Variants in LYPD6B observed in about 807,000 individuals in gnomAD.
LYPD6B encodes the protein LY6/PLAUR domain containing 6B.
A neutral mutation model predicts 22.8 loss-of-function variants in LYPD6B; 17 were observed. The observed-to-expected ratio is 0.75, with a 90% CI of 0.51 to 1.12. The LOEUF (loss-of-function observed/expected upper bound fraction) is 1.12. LYPD6B is among the 50% of genes most tolerant of loss of function. LYPD6B has a pLI of 0.00. For missense variants in LYPD6B, 221 were observed against 258.3 expected (o/e 0.86, Z 0.99); for synonymous variants, 106 against 91.6 (o/e 1.16, Z -0.90).
At chr2:149,190,781 C>G (rs1399849309) in intron 3 of LYPD6B, among the ~76,000 whole-genome samples, 2 of 152,000 alleles carry the variant, frequency 1.3e-5, no homozygotes, top group African/African-American at 2.4e-5. Context: ...GTAGCTATTT[C>G]CATATTAGTG....
chr2:149,065,335 C>T, intron 1 of LYPD6B, among the ~76,000 whole-genome samples: 1 of 152,208 alleles, frequency 6.6e-6, no homozygotes. Context: ...CCATCAGATG[C>T]TGTAACAAGC....
chr2:149,145,074 A>G (rs1248316151), intron 2 of LYPD6B, among the ~76,000 whole-genome samples: 6 of 152,300 alleles, frequency 3.9e-5, no homozygotes, highest in African/African-American at 1.4e-4. Flanking sequence ...AGCCTCGCTC[A>G]GATTCTTTAA....
At chr2:149,173,078 G>A (rs926278360) in intron 3 of LYPD6B, among the ~76,000 whole-genome samples, 1 of 151,394 alleles carries the variant, frequency 6.6e-6, no homozygotes, top group African/African-American at 2.4e-5. Flanking sequence ...GAATTTCTCT[G>A]GAAAAACCTG....
At chr2:149,047,883 A>AT (rs1411570378) in intron 1 of LYPD6B, among the ~76,000 whole-genome samples, 4 of 151,810 alleles carry the variant, frequency 2.6e-5, no homozygotes, top group East Asian at 3.9e-4. Flanking sequence ...AAGTTCAATG[A>AT]TTTTTTCCTT....
chr2:149,212,393 A>AAAAAAAAAAAAAAAAC (rs1210436752), intron 5 of LYPD6B, among the ~76,000 whole-genome samples: 1 of 150,888 alleles, frequency 6.6e-6, no homozygotes, highest in African/African-American at 2.4e-5. Context: ...AAAAAAAAAA[A>AAAAAAAAAAAAAAAAC]AAAAAAAAAA....
At chr2:149,089,009 T>C (rs1243117402) in intron 1 of LYPD6B, among the ~76,000 whole-genome samples, 2 of 152,132 alleles carry the variant, frequency 1.3e-5, no homozygotes, top group African/African-American at 4.8e-5. Context: ...ACACTCAGTT[T>C]CCTCTTCCTC....
intron 3 of LYPD6B, among the ~76,000 whole-genome samples, chr2:149,190,564 GT>G (rs1187540304): frequency 6.6e-6 from 1 of 152,174 alleles, no homozygotes; most frequent in African/African-American, 2.4e-5. Context: ...CAAAAGGAGA[GT>G]GTTAAGAAAA....
At chr2:149,190,310 G>A (rs537151869) in intron 3 of LYPD6B, among the ~76,000 whole-genome samples, 19 of 152,150 alleles carry the variant, frequency 1.2e-4, no homozygotes, top group African/African-American at 2.6e-4. Context: ...GTGTGTGCAC[G>A]TATCTATATT....
intron 1 of LYPD6B, among the ~76,000 whole-genome samples, chr2:149,114,396 T>G (rs1686901181): frequency 6.6e-6 from 1 of 152,218 alleles, no homozygotes. Flanking sequence ...AAACCCCCAG[T>G]GCAGTTCTTC....
At chr2:149,080,543 T>TAAG (rs1433250845) in intron 1 of LYPD6B, among the ~76,000 whole-genome samples, 1 of 152,148 alleles carries the variant, frequency 6.6e-6, no homozygotes, top group African/African-American at 2.4e-5. Context: ...TTCTCACTTT[T>TAAG]AAGAATCCAG....
chr2:149,055,608 A>T (rs558656895), intron 1 of LYPD6B, among the ~76,000 whole-genome samples: 2 of 152,312 alleles, frequency 1.3e-5, no homozygotes, highest in Non-Finnish European at 1.5e-5. Flanking sequence ...TCTCTCGTTA[A>T]ATTGATTCCT....
chr2:149,060,225 C>G (rs144115191), intron 1 of LYPD6B, among the ~76,000 whole-genome samples: 3 of 152,138 alleles, frequency 2.0e-5, no homozygotes, highest in Non-Finnish European at 4.4e-5. Flanking sequence ...AGCAACAGCT[C>G]CAGGTCCAGG....
rs73963334 is a variant in LYPD6B at position 149,082,577 on chromosome 2, T to C, written c.-67+43776T>C. Reference sequence around the variant, plus strand: ...AATTTTATTGCAATTTTTTTTGCCTTTGCCGACAGTGTTTTCCATTCAGTA... The same window carrying C: ...AATTTTATTGCAATTTTTTTTGCCTCTGCCGACAGTGTTTTCCATTCAGTA... On this transcript the variant is annotated intron_variant, in intron 1 of 6. Transcript: ENST00000409642. 6.5e-3 allele frequency among the ~76,000 whole-genome samples: 988 copies of C among 152,314 alleles called. 18 individuals are homozygous for C. The highest frequency in any genetic ancestry group is 0.021 in the African/African-American group (889 of 41,576).
intron 2 of LYPD6B, among the ~76,000 whole-genome samples, chr2:149,155,465 C>G (rs1000415164): frequency 1.3e-5 from 2 of 152,200 alleles, no homozygotes; most frequent in African/African-American, 4.8e-5. Context: ...TGGAGAGAAC[C>G]AAGGGCCTTG....
intron 3 of LYPD6B, among the ~76,000 whole-genome samples, chr2:149,198,539 C>T (rs1692963565): frequency 1.3e-5 from 2 of 152,122 alleles, no homozygotes; most frequent in Admixed American, 1.3e-4. Context: ...TAGACTGTTT[C>T]TCCACCCAAA....
chr2:149,177,382 A>G (rs1691391167), intron 3 of LYPD6B, among the ~76,000 whole-genome samples: 1 of 152,192 alleles, frequency 6.6e-6, no homozygotes, highest in Non-Finnish European at 1.5e-5. Context: ...TGTTTTTAGT[A>G]TCTTGGCAGT....
At chr2:149,104,082 A>G (rs564878921) in intron 1 of LYPD6B, among the ~76,000 whole-genome samples, 32 of 152,062 alleles carry the variant, frequency 2.1e-4, no homozygotes, top group South Asian at 8.3e-4. Context: ...CTGGCCATGT[A>G]TATCATTATT....
At chr2:149,101,696 A>G (rs1234430133) in intron 1 of LYPD6B, 2 of 152,182 alleles carry the variant, frequency 1.3e-5, no homozygotes, top group African/African-American at 2.4e-5. Context: ...CACTTTTTTC[A>G]TTTGGACAAA....
intron 1 of LYPD6B, among the ~76,000 whole-genome samples, chr2:149,099,225 G>A (rs751223811): frequency 6.6e-5 from 10 of 152,048 alleles, no homozygotes; most frequent in African/African-American, 2.2e-4. Flanking sequence ...AGTTAAACCC[G>A]AATTACAGTA....
Sources: gnomAD v4.1 joint callset for allele counts (sites outside exome capture counted in the v4.1 genomes callset) on GRCh38, gnomAD v4.1.1 for gene constraint, MANE v1.5 for transcripts, NCBI Gene and HGNC (gene_info 2026-07-23, HGNC 2026-07-21) for gene names.